SPRY3: variants seen among roughly 807,000 people sequenced by gnomAD.
The protein encoded by SPRY3 is protein sprouty homolog 3.
Under a neutral mutation model 20.2 loss-of-function variants are expected in SPRY3, and 15 were observed. The observed-to-expected ratio is 0.74, with a 90% CI of 0.50 to 1.14. The LOEUF (loss-of-function observed/expected upper bound fraction) is 1.14, where lower values mean the gene tolerates loss of function less well. Ranked by LOEUF, SPRY3 falls within the 50% of genes most tolerant of loss-of-function variation. The probability of loss-of-function intolerance (pLI) is 0.00; values close to 1 mark genes in which losing one functional copy is unlikely to be tolerated. For synonymous variants in SPRY3, 143 were observed against 136.5 expected, an observed-to-expected ratio of 1.05 and a Z score of -0.33; for missense variants, 364 against 363.9, an observed-to-expected ratio of 1.00 and a Z score of 0.00.
intron 2 of SPRY3, among the ~76,000 whole-genome samples, chrX:155,709,236 G>T (rs1251475624): frequency 6.6e-6 from 1 of 151,570 alleles, no homozygotes; most frequent in African/African-American, 2.4e-5. Flanking sequence ...GATTTTGGAG[G>T]AACCTCCAAA....
intron 2 of SPRY3, among the ~76,000 whole-genome samples, chrX:155,659,392 G>T (rs782295590): frequency 1.6e-4 from 18 of 110,133 alleles, no homozygotes; most frequent in Non-Finnish European, 3.2e-4. Context: ...TGATCCGCCC[G>T]CCTTGGCCTC....
chrX:155,765,280 C>G (rs955961656), intron 2 of SPRY3, among the ~76,000 whole-genome samples: 1 of 122,782 alleles, frequency 8.1e-6, no homozygotes. Context: ...AAAGTACAAG[C>G]TCTGGAGTGA....
At chrX:155,614,224 C>T (rs1045035116) in intron 1 of SPRY3, among the ~76,000 whole-genome samples, 1 of 111,591 alleles carries the variant, frequency 9.0e-6, no homozygotes, top group African/African-American at 3.3e-5. Context: ...TGCCCTTATG[C>T]CCTTATGTTT....
At chrX:155,751,387 T>C (rs1353190189) in intron 2 of SPRY3, among the ~76,000 whole-genome samples, 1 of 151,876 alleles carries the variant, frequency 6.6e-6, no homozygotes, top group Non-Finnish European at 1.5e-5. Flanking sequence ...TATTAAGAAC[T>C]TGACCCTGCA....
chrX:155,706,899 C>T (rs2090955657), intron 2 of SPRY3, among the ~76,000 whole-genome samples: 1 of 150,960 alleles, frequency 6.6e-6, no homozygotes, highest in South Asian at 2.1e-4. Flanking sequence ...TACATTCTCC[C>T]AAATACTTAT....
rs762594113 is a variant in SPRY3, at chrX:155,695,447, C to G, written c.-282+38422C>G. Among the ~76,000 whole-genome samples, 308 of 109,699 alleles carry G rather than the reference C, an allele frequency of 2.8e-3. 3 individuals carry two copies. The highest frequency in any genetic ancestry group is 5.1e-3 in the Non-Finnish European group (269 of 52,554). ...TTTTCGGTAGTTTGGTTATAATGTGCCTAGGAATTTTTTTTAATGTATTCT... is the reference window on the plus strand; with the variant it reads ...TTTTCGGTAGTTTGGTTATAATGTGGCTAGGAATTTTTTTTAATGTATTCT... On this transcript the variant is annotated intron_variant, in intron 2 of 3. Coordinates refer to ENST00000675360, the Ensembl canonical transcript of SPRY3.
At chrX:155,646,821 C>T (rs143463340) in intron 1 of SPRY3, among the ~76,000 whole-genome samples, 11 of 110,780 alleles carry the variant, frequency 9.9e-5, no homozygotes, top group African/African-American at 3.3e-4. Context: ...AGATTTCCAC[C>T]ACTATTTTGG....
At chrX:155,666,436 GACTAC>G (rs2068024701) in intron 2 of SPRY3, among the ~76,000 whole-genome samples, 1 of 110,770 alleles carries the variant, frequency 9.0e-6, no homozygotes, top group Admixed American at 9.6e-5. Flanking sequence ...ACACTGCTCT[GACTAC>G]AACGCTGAGA....
At chrX:155,635,916 C>A (rs1027795065) in intron 1 of SPRY3, among the ~76,000 whole-genome samples, 13 of 111,851 alleles carry the variant, frequency 1.2e-4, no homozygotes, top group African/African-American at 3.9e-4. Flanking sequence ...ACTGACTGAA[C>A]AATGGATAGA....
chrX:155,713,880 T>C (rs2091003623), intron 2 of SPRY3, among the ~76,000 whole-genome samples: 1 of 152,172 alleles, frequency 6.6e-6, no homozygotes, highest in Admixed American at 6.6e-5. Flanking sequence ...ACTTCATTTT[T>C]TTATTCTTTT....
At chrX:155,762,440 T>G (rs1028701185) in intron 2 of SPRY3, among the ~76,000 whole-genome samples, 12 of 151,458 alleles carry the variant, frequency 7.9e-5, no homozygotes, top group African/African-American at 2.9e-4. Context: ...AATTATATTG[T>G]AGAGAAAATA....
intron 2 of SPRY3, among the ~76,000 whole-genome samples, chrX:155,677,542 T>C (rs2124564463): frequency 8.9e-6 from 1 of 111,937 alleles, no homozygotes; most frequent in African/African-American, 3.2e-5. Flanking sequence ...AGGGAGAGAC[T>C]TTCCCATGAG....
intron 2 of SPRY3, among the ~76,000 whole-genome samples, chrX:155,669,490 A>C (rs1557354569): frequency 1.8e-5 from 2 of 111,114 alleles, no homozygotes; most frequent in South Asian, 7.5e-4. Flanking sequence ...AAAGTCAGCT[A>C]GTATAAAACA....
At chrX:155,669,943 TGAATAA>T (rs1557354614) in intron 2 of SPRY3, 3 of 111,173 alleles carry the variant, frequency 2.7e-5, no homozygotes, top group South Asian at 7.5e-4. Context: ...GTTTTAGGGC[TGAATAA>T]GAATAAGAAC....
chrX:155,743,022 A>G (rs1283797715), intron 2 of SPRY3, among the ~76,000 whole-genome samples: 1 of 152,082 alleles, frequency 6.6e-6, no homozygotes, highest in Admixed American at 6.6e-5. Flanking sequence ...AAAAATCAAC[A>G]AAACCAGGAG....
chrX:155,739,538 G>T (rs1292194393), intron 2 of SPRY3, among the ~76,000 whole-genome samples: 7 of 152,134 alleles, frequency 4.6e-5, no homozygotes, highest in Non-Finnish European at 2.9e-5. Context: ...GGGGTCTCCA[G>T]ATACCTCCTA....
At chrX:155,648,968 C>T (rs2067967213) in intron 1 of SPRY3, among the ~76,000 whole-genome samples, 1 of 111,680 alleles carries the variant, frequency 9.0e-6, no homozygotes, top group African/African-American at 3.2e-5. Context: ...ATACAAACTA[C>T]CATCAGAGAA....
chrX:155,768,276 G>T (rs1198802048), intron 3 of SPRY3, 140 bp downstream of exon 2: 1 of 151,948 alleles, frequency 6.6e-6, no homozygotes, highest in African/African-American at 2.4e-5. Context: ...GCAAGCGCAT[G>T]GATAAAATAA....
intron 2 of SPRY3, among the ~76,000 whole-genome samples, chrX:155,737,500 A>G (rs1422980572): frequency 6.6e-6 from 1 of 152,216 alleles, no homozygotes; most frequent in Non-Finnish European, 1.5e-5. Context: ...AAGAACATAG[A>G]AAGGGCAATA....
Sources: gnomAD v4.1 joint callset for allele counts (sites outside exome capture counted in the v4.1 genomes callset) on GRCh38, gnomAD v4.1.1 for gene constraint, MANE v1.5 for transcripts, NCBI Gene and HGNC (gene_info 2026-07-23, HGNC 2026-07-21) for gene names.